SFI1: variants seen among roughly 807,000 people sequenced by gnomAD.
SFI1 encodes SFI1 centrin binding protein, also known as protein SFI1 homolog.
SFI1 carries 195 observed loss-of-function variants against 207.5 expected under a neutral mutation model. That is an observed-to-expected ratio of 0.94 (90% CI 0.84 to 1.06). The LOEUF (loss-of-function observed/expected upper bound fraction) is 1.06, where lower values mean the gene tolerates loss of function less well. Among genes scored for constraint, SFI1 ranks in the 50% least tolerant of loss-of-function variants. The probability of loss-of-function intolerance (pLI) is 0.00; values close to 1 mark genes in which losing one functional copy is unlikely to be tolerated. For synonymous variants in SFI1, 630 were observed against 598.9 expected, an observed-to-expected ratio of 1.05 and a Z score of -0.76; for missense variants, 1,634 against 1,588.0, an observed-to-expected ratio of 1.03 and a Z score of -0.49.
chr22:31,611,868 C>T (rs1254223816), intron 24 of SFI1, 28 bp downstream of exon 24: 1 of 1,612,478 alleles, frequency 6.2e-7, no homozygotes, highest in African/African-American at 1.3e-5. Context: ...GTCCCCTCTG[C>T]ACTTCCTTCT....
At chr22:31,603,615 C>A in intron 17 of SFI1, 129 bp from the exon 18 acceptor site, 1 of 659,712 alleles carries the variant, frequency 1.5e-6, no homozygotes, top group South Asian at 4.2e-5. Context: ...TCTTTGGCAG[C>A]TCTTCAGAGA....
At chr22:31,578,337 G>T (rs1319427177) in intron 10 of SFI1, 45 bp from the exon 11 acceptor site, 1 of 1,592,814 alleles carries the variant, frequency 6.3e-7, no homozygotes, top group African/African-American at 1.3e-5. Context: ...GCACTGTGTA[G>T]GGGTCAGAAC....
At chr22:31,532,538 CT>C (rs1456952656) in intron 4 of SFI1, among the ~76,000 whole-genome samples, 2 of 152,164 alleles carry the variant, frequency 1.3e-5, no homozygotes, top group African/African-American at 4.8e-5. Flanking sequence ...CCCTCTTCCC[CT>C]TTTCTTTCCC....
chr22:31,560,233 T>C (rs1460119376), intron 7 of SFI1, among the ~76,000 whole-genome samples: 1 of 151,356 alleles, frequency 6.6e-6, no homozygotes, highest in East Asian at 2.0e-4. Context: ...ATGACTCTTT[T>C]CCTAGAGCAA....
In SFI1 at chr22:31,615,268, G is replaced by A. The variant is rs2147407963; in HGVS notation, c.3289G>A (p.Ala1097Thr). 1.3e-6 allele frequency: 2 copies of A among 1,497,346 alleles called. No individual in the cohort carries two copies. Among genetic ancestry groups the A allele is most frequent in the Non-Finnish European group, 1.8e-6 (2 of 1,130,780 alleles). The allele number at this position is 1,497,346 out of a possible 1,614,324, so 92.8% of individuals were successfully genotyped here. Residue 1097 changes from alanine (A) to threonine (T), a missense_variant, in exon 29 of 33, where the codon GCA (alanine) becomes ACA (threonine). Ala to Thr is a moderately conservative substitution (Grantham distance 58). Transcript: ENST00000400288. ...LSSFMPCGAA[A>T]PARVSAQRAT... ...CTCCTTCATGCCCTGCGGGGCGGCT[G>A]CACCAGCCAGGGTACGTCCTCCACC...
chr22:31,575,142 T>G, intron 9 of SFI1, 89 bp from the exon 10 acceptor site: 1 of 1,185,420 alleles, frequency 8.4e-7, no homozygotes, highest in Non-Finnish European at 1.2e-6. Context: ...CCCTGCTCTC[T>G]GCCAGTAGTG....
At chr22:31,554,813 A>G (rs1479839297) in intron 6 of SFI1, among the ~76,000 whole-genome samples, 1 of 151,974 alleles carries the variant, frequency 6.6e-6, no homozygotes, top group Non-Finnish European at 1.5e-5. Flanking sequence ...TTACTGCTAT[A>G]AAGTTCTCTT....
At chr22:31,547,503 G>A (rs1025515065) in intron 5 of SFI1, among the ~76,000 whole-genome samples, 6 of 151,980 alleles carry the variant, frequency 3.9e-5, no homozygotes, top group Non-Finnish European at 7.4e-5. Flanking sequence ...TAGAGACAGG[G>A]TTATTTCATG....
rs202117817 is a variant in SFI1, at chr22:31,546,934, G to T, written c.412G>T (p.Glu138Ter). The T allele has an allele frequency of 7.6e-5, 123 of 1,611,948 alleles. 1 individual carries two copies. Among genetic ancestry groups the T allele is most frequent in the East Asian group, 2.2e-5 (1 of 44,826 alleles). The stretch of plus-strand genomic sequence containing the variant: ...AGAGGAGTGGTGGGTTTTCCAGCAC[G>T]AGTGGAAACTCTGTGTTCGAGCTGA... ...WKEEWWVFQH[E>*]WKLCVRADCH... Residue 138 changes from glutamate to a stop codon, truncating the protein, a stop_gained, in exon 5 of 33, where the codon GAG becomes TAG. Coordinates refer to ENST00000400288, the MANE Select transcript of SFI1 (RefSeq NM_001007467.3). LOFTEE classifies it high-confidence loss of function.
intron 4 of SFI1, among the ~76,000 whole-genome samples, chr22:31,540,815 G>C (rs942061072): frequency 6.6e-6 from 1 of 152,062 alleles, no homozygotes; most frequent in South Asian, 2.1e-4. Context: ...CTGCCCTCAA[G>C]TGATCCACCC....
intron 15 of SFI1, among the ~76,000 whole-genome samples, chr22:31,594,022 G>A (rs561422295): frequency 6.8e-6 from 1 of 147,918 alleles, no homozygotes; most frequent in East Asian, 2.0e-4. Flanking sequence ...GAGGGAGAGG[G>A]AGAGGGAGGT....
At chr22:31,602,323 G>T in intron 16 of SFI1, 30 bp downstream of exon 16, 1 of 1,597,124 alleles carries the variant, frequency 6.3e-7, no homozygotes, top group East Asian at 2.2e-5. Context: ...GAGATGTGTG[G>T]AGGGGCAGGA....
chr22:31,600,622 C>T (rs1002003500), intron 15 of SFI1, among the ~76,000 whole-genome samples: 22 of 152,204 alleles, frequency 1.4e-4, no homozygotes, highest in African/African-American at 5.1e-4. Flanking sequence ...CAAATTCCAG[C>T]CCCTCTGGCA....
Position 31,551,508 on chromosome 22 carries a change from G to A in SFI1, c.544+1160G>A, listed in dbSNP as rs544468414. 4.6e-5 allele frequency among the ~76,000 whole-genome samples: 7 copies of A among 152,236 alleles called. No homozygotes were observed. In the East Asian group the frequency reaches 9.7e-4, roughly 21 times the overall value. The stretch of plus-strand genomic sequence containing the variant: ...CACTGGTAAGTAACTTACGCTGTTT[G>A]TTGTTTATTTTTTTAATACATACAG... On this transcript the variant is annotated intron_variant, in intron 6 of 32. Coordinates refer to ENST00000400288, the MANE Select transcript of SFI1 (RefSeq NM_001007467.3).
chr22:31,571,984 G>A (rs1603006943), intron 8 of SFI1, among the ~76,000 whole-genome samples: 1 of 151,914 alleles, frequency 6.6e-6, no homozygotes, highest in Non-Finnish European at 1.5e-5. Context: ...CTGATGATTC[G>A]TAAGAGGGGA....
intron 12 of SFI1, 101 bp from the exon 13 acceptor site, chr22:31,583,774 G>A: frequency 1.0e-6 from 1 of 994,136 alleles, no homozygotes; most frequent in Non-Finnish European, 1.6e-6. Context: ...CCTAACTGAG[G>A]TCATTTCTGC....
intron 10 of SFI1, among the ~76,000 whole-genome samples, chr22:31,576,047 T>C (rs2145935493): frequency 6.6e-6 from 1 of 151,282 alleles, no homozygotes; most frequent in Non-Finnish European, 1.5e-5. Flanking sequence ...TTTTTTGAGA[T>C]GGACTCTTGC....
intron 2 of SFI1, among the ~76,000 whole-genome samples, chr22:31,512,928 C>T (rs1215393640): frequency 1.3e-5 from 2 of 152,026 alleles, no homozygotes; most frequent in Non-Finnish European, 2.9e-5. Flanking sequence ...CCTTGTGATC[C>T]GCCTGCCTTG....
intron 6 of SFI1, among the ~76,000 whole-genome samples, chr22:31,551,795 A>T (rs960359040): frequency 6.6e-6 from 1 of 152,114 alleles, no homozygotes; most frequent in African/African-American, 2.4e-5. Context: ...TTGCATTCCC[A>T]CCAGTAATTC....
Sources: allele counts gnomAD v4.1 joint callset (sites outside exome capture counted in the v4.1 genomes callset), GRCh38; gene constraint gnomAD v4.1.1; transcripts MANE v1.5; gene names NCBI Gene and HGNC (gene_info 2026-07-23, HGNC 2026-07-21).